The following RUNX1 variants were observed in gnomAD, a reference collection of about 807,000 sequenced individuals.
RUNX1 encodes runt-related transcription factor 1.
A neutral mutation model predicts 42.8 loss-of-function variants in RUNX1; 19 were observed. The observed-to-expected ratio is 0.44, with a 90% confidence interval of 0.31 to 0.65. RUNX1 has a LOEUF of 0.65. Among genes scored for constraint, RUNX1 ranks in the 30% least tolerant of loss-of-function variants. The probability of loss-of-function intolerance (pLI) is 0.07; values close to 1 mark genes in which losing one functional copy is unlikely to be tolerated. For missense variants in RUNX1, 528 were observed against 672.0 expected, an observed-to-expected ratio of 0.79 and a Z score of 2.37; for synonymous variants, 271 against 289.4, an observed-to-expected ratio of 0.94 and a Z score of 0.64.
At chr21:35,047,598 C>CTCTCTCTCTCTCT (rs1601710945) in intron 2 of RUNX1, among the ~76,000 whole-genome samples, 1 of 141,266 alleles carries the variant, frequency 7.1e-6, no homozygotes, top group Admixed American at 7.2e-5. Flanking sequence ...CTCTCTCTCT[C>CTCTCTCTCTCTCT]ATCAAGTTTT....
At chr21:35,001,201 T>A (rs868441798) in intron 2 of RUNX1, among the ~76,000 whole-genome samples, 1 of 151,836 alleles carries the variant, frequency 6.6e-6, no homozygotes, top group Non-Finnish European at 1.5e-5. Flanking sequence ...TTTTAAAAGT[T>A]TTTTTAATAG....
At chr21:35,032,904 T>A (rs1807003091) in intron 2 of RUNX1, among the ~76,000 whole-genome samples, 1 of 152,184 alleles carries the variant, frequency 6.6e-6, no homozygotes, top group Non-Finnish European at 1.5e-5. Context: ...CCACTGATGT[T>A]TTTACACTTA....
chr21:34,924,097 GCCA>G (rs2058374947), intron 2 of RUNX1, among the ~76,000 whole-genome samples: 1 of 150,650 alleles, frequency 6.6e-6, no homozygotes, highest in African/African-American at 2.4e-5. Context: ...CCCACCCCCC[GCCA>G]TGGTGGTTTT....
intron 2 of RUNX1, among the ~76,000 whole-genome samples, chr21:34,989,548 G>A (rs1358657895): frequency 1.3e-5 from 2 of 152,008 alleles, no homozygotes; most frequent in Non-Finnish European, 2.9e-5. Flanking sequence ...CAACTGCCTG[G>A]CATGATGTGT....
intron 7 of RUNX1, among the ~76,000 whole-genome samples, chr21:34,809,759 C>A (rs561135796): frequency 2.0e-5 from 3 of 152,170 alleles, no homozygotes; most frequent in African/African-American, 4.8e-5. Context: ...GTCGCTGGGG[C>A]AGATCATGTT....
At chr21:34,927,809 T>A (rs2058407362) in intron 2 of RUNX1, among the ~76,000 whole-genome samples, 1 of 152,200 alleles carries the variant, frequency 6.6e-6, no homozygotes, top group Non-Finnish European at 1.5e-5. Context: ...ATTTGGTTGA[T>A]AAGATTCAGA....
intron 6 of RUNX1, among the ~76,000 whole-genome samples, chr21:34,851,144 G>C: frequency 6.6e-6 from 1 of 152,212 alleles, no homozygotes; most frequent in Admixed American, 6.5e-5. Flanking sequence ...TGGCAGAGAA[G>C]GCAGGGCAGC....
chr21:34,797,629 C>T (rs1010806749), intron 8 of RUNX1, among the ~76,000 whole-genome samples: 2 of 152,194 alleles, frequency 1.3e-5, no homozygotes, highest in Non-Finnish European at 2.9e-5. Context: ...TGCCTTTGTT[C>T]TTGAGGGATA....
chr21:35,018,061 T>C (rs767663836), intron 2 of RUNX1, among the ~76,000 whole-genome samples: 3 of 152,212 alleles, frequency 2.0e-5, no homozygotes, highest in Non-Finnish European at 2.9e-5. Flanking sequence ...AGTCTCACTC[T>C]GTTACCCAGG....
intron 2 of RUNX1, among the ~76,000 whole-genome samples, chr21:34,965,793 A>G (rs2058714569): frequency 6.6e-6 from 1 of 152,306 alleles, no homozygotes; most frequent in African/African-American, 2.4e-5. Context: ...GCATTTCCGA[A>G]TCAAGTATCT....
chr21:34,908,576 A>AG (rs201708857), intron 2 of RUNX1, among the ~76,000 whole-genome samples: 5,739 of 152,174 alleles, frequency 0.038, 123 homozygotes, highest in East Asian at 0.056. Flanking sequence ...TTTTGTGGAC[A>AG]GGGGGGTCGG....
intron 2 of RUNX1, among the ~76,000 whole-genome samples, chr21:34,899,023 C>A (rs28463678): frequency 6.6e-6 from 1 of 152,178 alleles, no homozygotes; most frequent in African/African-American, 2.4e-5. Flanking sequence ...AAGTGATTCT[C>A]CTGCCTCAGC....
chr21:34,946,358 G>T (rs2058563108), intron 2 of RUNX1, among the ~76,000 whole-genome samples: 1 of 152,248 alleles, frequency 6.6e-6, no homozygotes, highest in Non-Finnish European at 1.5e-5. Context: ...GGGCTTGGGG[G>T]GAGGTTCAGA....
chr21:34,809,919 C>T (rs1355030947), intron 7 of RUNX1, among the ~76,000 whole-genome samples: 2 of 152,214 alleles, frequency 1.3e-5, no homozygotes, highest in Admixed American at 6.5e-5. Context: ...TTGGAGAATA[C>T]GATGCTTTTG....
At chr21:35,005,446 T>C (rs2059077359) in intron 2 of RUNX1, among the ~76,000 whole-genome samples, 1 of 152,150 alleles carries the variant, frequency 6.6e-6, no homozygotes, top group African/African-American at 2.4e-5. Flanking sequence ...CCACGAATAA[T>C]TTAATTAATA....
chr21:34,809,962 G>C (rs2056737136), intron 7 of RUNX1, among the ~76,000 whole-genome samples: 1 of 152,240 alleles, frequency 6.6e-6, no homozygotes, highest in Admixed American at 6.5e-5. Flanking sequence ...GTTCCACACA[G>C]GTGTGTGTCA....
rs10673190 is a variant in RUNX1, at chr21:34,978,937, TACACACAC to T, written c.58+69897_58+69904del. Among the ~76,000 whole-genome samples the T allele has an allele frequency of 1.3e-3, 169 of 134,146 alleles. 2 individuals carry two copies. Among genetic ancestry groups the T allele is most frequent in the Admixed American group, 3.7e-3 (50 of 13,396 alleles). The allele number at this position is 134,146 out of a possible 152,430, so 88.0% of individuals were successfully genotyped here. Reference sequence around the variant, plus strand: ...TTCTCAGACAAAACACACACACAGATACACACACACACACACACACACACACACACACA... The same window carrying T: ...TTCTCAGACAAAACACACACACAGATACACACACACACACACACACACACA... On this transcript the variant is annotated intron_variant, in intron 2 of 8. Transcript: ENST00000675419.
intron 2 of RUNX1, among the ~76,000 whole-genome samples, chr21:34,993,846 C>T (rs2058972834): frequency 6.6e-6 from 1 of 151,966 alleles, no homozygotes; most frequent in Non-Finnish European, 1.5e-5. Flanking sequence ...CAGACACACA[C>T]ACACACGGGT....
chr21:34,986,606 TAAG>T (rs1331387115), intron 2 of RUNX1, among the ~76,000 whole-genome samples: 1 of 149,458 alleles, frequency 6.7e-6, no homozygotes, highest in Non-Finnish European at 1.5e-5. Flanking sequence ...AGCATCCTTA[TAAG>T]AAGAGGAGAA....
Sources: gnomAD v4.1 joint callset for allele counts (sites outside exome capture counted in the v4.1 genomes callset) on GRCh38, gnomAD v4.1.1 for gene constraint, MANE v1.5 for transcripts, NCBI Gene and HGNC (gene_info 2026-07-23, HGNC 2026-07-21) for gene names.